Variants in STON2 observed in about 807,000 individuals in gnomAD.
The protein encoded by STON2 is stonin 2.
In STON2, 29 loss-of-function variants were observed where a neutral mutation model predicts 65.7. The observed-to-expected ratio is 0.44, with a 90% CI of 0.33 to 0.60. The LOEUF (loss-of-function observed/expected upper bound fraction) is 0.60, where lower values mean the gene tolerates loss of function less well. Ranked by LOEUF, STON2 falls within the 20% of genes least tolerant of loss-of-function variation. STON2 has a pLI of 0.03. For synonymous variants in STON2, 404 were observed against 414.2 expected, an observed-to-expected ratio of 0.98 and a Z score of 0.30; for missense variants, 1,054 against 1,118.1, an observed-to-expected ratio of 0.94 and a Z score of 0.82.
intron 4 of STON2, among the ~76,000 whole-genome samples, chr14:81,367,714 T>C (rs894782476): frequency 6.6e-6 from 1 of 152,138 alleles, no homozygotes; most frequent in African/African-American, 2.4e-5. Context: ...ACTGTCTCCA[T>C]GGCCTGCGGA....
At chr14:81,400,113 C>T (rs989652602) in intron 1 of STON2, among the ~76,000 whole-genome samples, 166 bp downstream of exon 1, 1 of 152,106 alleles carries the variant, frequency 6.6e-6, no homozygotes. Flanking sequence ...ATGAAATGTC[C>T]GGGAAACTCC....
rs1030003752 is a variant in STON2 at position 81,267,417 on chromosome 14, C to G, written c.*997G>C. 1.0e-6 allele frequency: 1 copy of G among 985,348 alleles called. No individual in the cohort carries two copies. The highest frequency in any genetic ancestry group is 4.7e-5 in the South Asian group (1 of 21,286). 61.0% of individuals were successfully genotyped at this position (985,348 alleles called of 1,614,324 possible). A position where few individuals can be genotyped will look rare whatever the true frequency, so the allele number is the denominator to read the frequency against. On this transcript the variant is annotated 3_prime_UTR_variant, in exon 8 of 8. Transcript: ENST00000614646. Reference sequence around the variant, plus strand: ...ATTTTAAAACAGCTTTAAAAATTATCTTTGCAGCTTAAATTTCCTATAAAG... The same window carrying G: ...ATTTTAAAACAGCTTTAAAAATTATGTTTGCAGCTTAAATTTCCTATAAAG...
chr14:81,343,375 G>A (rs552480754), intron 4 of STON2, among the ~76,000 whole-genome samples: 1 of 152,268 alleles, frequency 6.6e-6, no homozygotes, highest in South Asian at 2.1e-4. Flanking sequence ...ATCAGTCCTG[G>A]GGAGGGGGAG....
upstream of STON2, among the ~76,000 whole-genome samples, chr14:81,401,077 C>G (rs775665809): frequency 1.3e-5 from 2 of 152,156 alleles, no homozygotes; most frequent in East Asian, 1.9e-4. Flanking sequence ...CCCAACGTTG[C>G]GTAACTTGTT....
chr14:81,287,238 C>T (rs1044657389), intron 5 of STON2, among the ~76,000 whole-genome samples: 2 of 151,968 alleles, frequency 1.3e-5, no homozygotes, highest in Non-Finnish European at 1.5e-5. Context: ...AAAGAGGAGC[C>T]GGAGGATAAG....
At chr14:81,370,472 G>A (rs181270688) in intron 4 of STON2, among the ~76,000 whole-genome samples, 3 of 152,302 alleles carry the variant, frequency 2.0e-5, no homozygotes, top group Non-Finnish European at 4.4e-5. Context: ...GCCGATTGAT[G>A]TATCACTCAA....
At chr14:81,360,586 C>T (rs1340643259) in intron 4 of STON2, among the ~76,000 whole-genome samples, 1 of 152,126 alleles carries the variant, frequency 6.6e-6, no homozygotes, top group African/African-American at 2.4e-5. Context: ...CAGTGAAAAA[C>T]TGAAACTCTT....
chr14:81,426,668 C>A (rs1387297830), intron 2 of STON2, among the ~76,000 whole-genome samples: 1 of 152,232 alleles, frequency 6.6e-6, no homozygotes, highest in African/African-American at 2.4e-5. Flanking sequence ...TCCAGTCCCC[C>A]TCGCCCGAAA....
chr14:81,270,098 C>G, intron 7 of STON2: 3 of 957,700 alleles, frequency 3.1e-6, no homozygotes, highest in Non-Finnish European at 3.7e-6. Flanking sequence ...TACTCTTTTT[C>G]TTTTTTTGAG....
At chr14:81,330,920 G>A (rs1897188036) in intron 4 of STON2, among the ~76,000 whole-genome samples, 1 of 152,224 alleles carries the variant, frequency 6.6e-6, no homozygotes, top group South Asian at 2.1e-4. Context: ...GTTAGTGCAA[G>A]GAAGGAAGCA....
chr14:81,371,692 G>GAAAAA (rs1899006102), intron 3 of STON2, among the ~76,000 whole-genome samples: 1 of 98,238 alleles, frequency 1.0e-5, no homozygotes, highest in African/African-American at 3.6e-5. Context: ...AAAAAAAAAA[G>GAAAAA]AAAAGAAAAG....
intron 2 of STON2, among the ~76,000 whole-genome samples, chr14:81,406,746 A>G (rs1900884199): frequency 6.6e-6 from 1 of 152,120 alleles, no homozygotes; most frequent in Non-Finnish European, 1.5e-5. Context: ...GATGTCCAGT[A>G]TCTTTGTCCC....
chr14:81,415,494 A>G (rs2139874808), intron 2 of STON2, among the ~76,000 whole-genome samples: 1 of 152,112 alleles, frequency 6.6e-6, no homozygotes, highest in South Asian at 2.1e-4. Context: ...GCTAGATGTT[A>G]GGGATATAAC....
At chr14:81,327,384 AATCTAC>A (rs539948808) in intron 4 of STON2, among the ~76,000 whole-genome samples, 176 of 152,232 alleles carry the variant, frequency 1.2e-3, no homozygotes, top group African/African-American at 3.7e-3. Context: ...AATGTCCCAC[AATCTAC>A]ATTTTGATCA....
intron 3 of STON2, among the ~76,000 whole-genome samples, chr14:81,388,813 T>C (rs960986640): frequency 6.6e-6 from 1 of 152,198 alleles, no homozygotes; most frequent in African/African-American, 2.4e-5. Context: ...ACCTCGCTAC[T>C]TCCTCTGTGT....
At chr14:81,376,588 T>C (rs1899263483) in intron 3 of STON2, among the ~76,000 whole-genome samples, 1 of 152,138 alleles carries the variant, frequency 6.6e-6, no homozygotes, top group East Asian at 1.9e-4. Flanking sequence ...TACTCCAGAG[T>C]ACACAAGAAG....
chr14:81,269,837 C>G (rs1292552922), intron 7 of STON2: 11 of 985,254 alleles, frequency 1.1e-5, no homozygotes, highest in Non-Finnish European at 1.3e-5. Context: ...TGTCAGAAAA[C>G]TCCAACTTTT....
In STON2 at chr14:81,278,476, G is replaced by T. The variant is rs1162144875; in HGVS notation, c.1006C>A (p.Pro336Thr). 1.9e-6 allele frequency: 3 copies of T among 1,614,244 alleles called. No individual in the cohort carries two copies. The highest frequency in any genetic ancestry group is 2.5e-6 in the Non-Finnish European group (3 of 1,180,058). ...SMGSFKKRDRPKSTLMNFSKV... is the reference protein window; with the variant it reads ...SMGSFKKRDRTKSTLMNFSKV... ...GAGAAGTTCATCAAAGTGCTCTTGG[G>T]ACGGTCCCTCTTCTTAAATGATCCC... is the stretch of plus-strand genomic sequence containing the variant. The change falls in exon 6 of 8, where the codon CCC becomes ACC. Residue 336 changes from proline (P) to threonine (T), a missense_variant. Pro to Thr is a conservative substitution (Grantham distance 38). Transcript: ENST00000614646.
chr14:81,295,364 T>C (rs1010113671), intron 5 of STON2, among the ~76,000 whole-genome samples: 2 of 152,038 alleles, frequency 1.3e-5, no homozygotes, highest in African/African-American at 4.8e-5. Context: ...AGATTATAAA[T>C]ATGGAGAAAG....
Sources: allele counts gnomAD v4.1 joint callset (sites outside exome capture counted in the v4.1 genomes callset), GRCh38; gene constraint gnomAD v4.1.1; transcripts MANE v1.5; gene names NCBI Gene and HGNC (gene_info 2026-07-23, HGNC 2026-07-21).